MACF1: variants seen among roughly 807,000 people sequenced by gnomAD.
MACF1 encodes microtubule actin crosslinking factor 1.
In MACF1, 193 loss-of-function variants were observed where a neutral mutation model predicts 854.8. That is an observed-to-expected ratio of 0.23 (90% CI 0.20 to 0.25). The LOEUF is 0.25. Among genes scored for constraint, MACF1 ranks in the 10% least tolerant of loss-of-function variants. The pLI is 1.00. For synonymous variants in MACF1, 3,185 were observed against 3,226.7 expected (o/e 0.99, Z 0.44); for missense variants, 7,722 against 8,929.1 (o/e 0.86, Z 5.45).
At chr1:39,156,666 T>C (rs574899712) in intron 2 of MACF1, among the ~76,000 whole-genome samples, 1 of 152,178 alleles carries the variant, frequency 6.6e-6, no homozygotes, top group Non-Finnish European at 1.5e-5. Flanking sequence ...TATAACTAGT[T>C]AGTGGCAAAG....
At chr1:39,219,951 A>G (rs970217804) in intron 1 of MACF1, among the ~76,000 whole-genome samples, 20 of 151,916 alleles carry the variant, frequency 1.3e-4, no homozygotes, top group African/African-American at 4.6e-4. Flanking sequence ...GGGTTTTGCC[A>G]TGTTGGCCAG....
At chr1:39,351,627 C>A (rs932267180) in intron 43 of MACF1, among the ~76,000 whole-genome samples, 4 of 126,834 alleles carry the variant, frequency 3.2e-5, no homozygotes, top group Non-Finnish European at 6.3e-5. Flanking sequence ...TGCTCTGTTG[C>A]CAAGACTGGA....
At chr1:39,247,656 A>G (rs1011599488) in intron 2 of MACF1, among the ~76,000 whole-genome samples, 10 of 152,236 alleles carry the variant, frequency 6.6e-5, no homozygotes, top group African/African-American at 2.4e-4. Context: ...AGCAAATTCT[A>G]CAAGTTTGAG....
intron 58 of MACF1, chr1:39,412,713 G>A (rs747038763): frequency 6.2e-7 from 1 of 1,613,962 alleles, no homozygotes; most frequent in Non-Finnish European, 8.5e-7. Context: ...AAGTTACCAA[G>A]GCTGGTAATA....
At chr1:39,112,581 G>T (rs764947660) in intron 2 of MACF1, among the ~76,000 whole-genome samples, 29 of 152,048 alleles carry the variant, frequency 1.9e-4, no homozygotes, top group African/African-American at 6.8e-4. Flanking sequence ...GGATGGCTGA[G>T]GCACAAGAAT....
chr1:39,163,283 G>A (rs1274098448), intron 2 of MACF1, among the ~76,000 whole-genome samples: 8 of 148,432 alleles, frequency 5.4e-5, no homozygotes, highest in African/African-American at 1.2e-4. Context: ...TCCAAGAGGC[G>A]GAGGCTGCAG....
chr1:39,297,902 C>T (rs1475688993), intron 21 of MACF1, among the ~76,000 whole-genome samples, 157 bp downstream of exon 21: 1 of 152,184 alleles, frequency 6.6e-6, no homozygotes, highest in Non-Finnish European at 1.5e-5. Flanking sequence ...GTTGTTCTGT[C>T]TCTTTCCTTT....
Position 39,412,837 on chromosome 1 carries a change from A to G in MACF1, c.15817-9537A>G, listed in dbSNP as rs767040694. On this transcript the variant is annotated intron_variant, in intron 58 of 100. Transcript: ENST00000564288. ...TGCACTGCCCAGCCCAGAGGAGGGT[A>G]CCTCAATTGCTGCAGTGCCTGCCCC... The G allele has an allele frequency of 3.7e-6, 6 of 1,612,064 alleles. No individual in the cohort carries two copies. The East Asian group carries it at 6.7e-5, about 18-fold the overall frequency.
chr1:39,155,915 TC>T (rs1277145785), intron 2 of MACF1, among the ~76,000 whole-genome samples: 1 of 148,196 alleles, frequency 6.7e-6, no homozygotes, highest in Non-Finnish European at 1.5e-5. Context: ...TGAGATGGAG[TC>T]TTGCTCTGTC....
At chr1:39,209,633 TG>T (rs1270803633) in intron 1 of MACF1, among the ~76,000 whole-genome samples, 1 of 13,752 alleles carries the variant, frequency 7.3e-5, no homozygotes, top group African/African-American at 1.4e-4. Context: ...CTCCCCATCC[TG>T]GGTTTTTTTT....
At position 39,270,895 on chromosome 1, in the gene MACF1, C is replaced by T. The variant is rs952981207; in HGVS notation, c.529-11313C>T. 2.6e-5 allele frequency among the ~76,000 whole-genome samples: 4 copies of T among 152,158 alleles called. No homozygotes were observed. In the East Asian group the frequency reaches 7.7e-4, roughly 29 times the overall value. On this transcript the variant is annotated intron_variant, in intron 6 of 100. Coordinates refer to ENST00000564288, the MANE Select transcript of MACF1 (RefSeq NM_001394062.1). ...GCCTAGAATTTCCTCTTTGGGGATACATTTTCCCCACAGACAGCCCCATCT... is the reference window on the plus strand; with the variant it reads ...GCCTAGAATTTCCTCTTTGGGGATATATTTTCCCCACAGACAGCCCCATCT...
At chr1:39,380,197 G>T (rs758454993) in intron 54 of MACF1, 47 bp from the exon 55 acceptor site, 77 of 1,595,472 alleles carry the variant, frequency 4.8e-5, no homozygotes, top group Non-Finnish European at 6.2e-5. Flanking sequence ...ACACAACTTT[G>T]TTTCCTGTCC....
chr1:39,265,627 T>C (rs932174010), intron 6 of MACF1, among the ~76,000 whole-genome samples: 3 of 152,214 alleles, frequency 2.0e-5, no homozygotes, highest in Non-Finnish European at 4.4e-5. Flanking sequence ...CTAGCTCATG[T>C]AATTTATTGA....
chr1:39,451,167 C>T lies in MACF1; in HGVS notation c.20374C>T (p.His6792Tyr). 6.2e-7 allele frequency: 1 copy of T among 1,614,136 alleles called. No individual in the cohort carries two copies. Among genetic ancestry groups the T allele is most frequent in the Non-Finnish European group, 8.5e-7 (1 of 1,180,018 alleles). Reference sequence around the variant, plus strand: ...ACAGCTGGCTGAGGACCAGCCCGTGCACGGGGACCTTGACCTCGTCATGAA... The same window carrying T: ...ACAGCTGGCTGAGGACCAGCCCGTGTACGGGGACCTTGACCTCGTCATGAA... ...EPQLAEDQPV[H>Y]GDLDLVMNLM... is the part of the protein sequence containing the mutation. The change falls in exon 85 of 101, where the codon CAC becomes TAC. Residue 6792 changes from histidine to tyrosine, a missense_variant. Physicochemically the swap from His to Tyr is moderately conservative, Grantham distance 83 (BLOSUM62 2). Transcript: ENST00000564288.
chr1:39,179,992 G>T (rs1452881273), intron 2 of MACF1, among the ~76,000 whole-genome samples: 1 of 151,714 alleles, frequency 6.6e-6, no homozygotes, highest in Non-Finnish European at 1.5e-5. Flanking sequence ...TTCTGCTTGG[G>T]TGACAGAGCA....
chr1:39,193,970 A>G (rs1557510446), intron 2 of MACF1, among the ~76,000 whole-genome samples: 1 of 151,702 alleles, frequency 6.6e-6, no homozygotes, highest in East Asian at 1.9e-4. Context: ...CAGCCTCCCA[A>G]GTAGCTGGGA....
chr1:39,410,573 A>T (rs1557637524), intron 58 of MACF1: 2 of 1,614,058 alleles, frequency 1.2e-6, no homozygotes, highest in Non-Finnish European at 1.7e-6. Context: ...GATGCACTAA[A>T]GCTAAGCAGT....
At chr1:39,269,500 C>A (rs544029800) in intron 6 of MACF1, 1 of 1,289,756 alleles carries the variant, frequency 7.8e-7, no homozygotes, top group Non-Finnish European at 1.0e-6. Context: ...CAAGTGCCCC[C>A]CCAGGATTCC....
intron 36 of MACF1, 114 bp downstream of exon 36, chr1:39,327,467 T>A: frequency 8.8e-7 from 1 of 1,131,570 alleles, no homozygotes; most frequent in Non-Finnish European, 1.2e-6. Flanking sequence ...TGTGACTTAA[T>A]TTTTAACCTC....
Sources: gnomAD v4.1 joint callset for allele counts (sites outside exome capture counted in the v4.1 genomes callset) on GRCh38, gnomAD v4.1.1 for gene constraint, MANE v1.5 for transcripts, NCBI Gene and HGNC (gene_info 2026-07-23, HGNC 2026-07-21) for gene names.